The following CDH12 variants were observed in gnomAD, a reference collection of about 807,000 sequenced individuals.
The protein encoded by CDH12 is cadherin-12.
Under a neutral mutation model 74.1 loss-of-function variants are expected in CDH12, and 41 were observed. That is an observed-to-expected ratio of 0.55 (90% CI 0.43 to 0.72). CDH12 has a LOEUF of 0.72. Ranked by LOEUF, CDH12 falls within the 30% of genes least tolerant of loss-of-function variation. CDH12 has a pLI of 0.00. For missense variants in CDH12, 945 were observed against 977.2 expected (o/e 0.97, Z 0.44); for synonymous variants, 399 against 355.0 (o/e 1.12, Z -1.39).
rs555848314 is a variant in CDH12 at position 22,711,723 on chromosome 5, C to A, written c.-523+141335G>T. Among the ~76,000 whole-genome samples, 4 of 151,982 alleles carry A rather than the reference C, an allele frequency of 2.6e-5. No homozygotes were observed. In the South Asian group the frequency reaches 8.3e-4, roughly 32 times the overall value. On this transcript the variant is annotated intron_variant, in intron 1 of 14. Coordinates refer to ENST00000382254, the MANE Select transcript of CDH12 (RefSeq NM_004061.5). ...AAACAATCTATCAATTTACTTGATT[C>A]TTTAGGGAAAAATAAAACATGTTGT...
At chr5:21,958,338 C>T (rs1397693846) in intron 6 of CDH12, among the ~76,000 whole-genome samples, 3 of 152,082 alleles carry the variant, frequency 2.0e-5, no homozygotes, top group Non-Finnish European at 4.4e-5. Flanking sequence ...GTTGCAATTG[C>T]TTTTGACATC....
chr5:21,846,364 T>C (rs1174387595), intron 7 of CDH12, among the ~76,000 whole-genome samples: 5 of 152,110 alleles, frequency 3.3e-5, no homozygotes, highest in Non-Finnish European at 7.4e-5. Flanking sequence ...CCTCCGTTCT[T>C]AACCTCACTC....
chr5:22,073,483 G>A (rs960870587), intron 5 of CDH12, among the ~76,000 whole-genome samples: 6 of 152,166 alleles, frequency 3.9e-5, no homozygotes, highest in African/African-American at 1.2e-4. Context: ...ACATGTATAT[G>A]TATGTCTGTA....
intron 1 of CDH12, among the ~76,000 whole-genome samples, chr5:22,820,736 TA>T (rs1303313733): frequency 6.6e-6 from 1 of 152,116 alleles, no homozygotes; most frequent in Non-Finnish European, 1.5e-5. Context: ...ATTGTGGCAA[TA>T]ATCAATAACT....
intron 4 of CDH12, among the ~76,000 whole-genome samples, chr5:22,124,614 T>A (rs945198284): frequency 6.6e-6 from 1 of 152,242 alleles, no homozygotes; most frequent in Non-Finnish European, 1.5e-5. Flanking sequence ...AGTGCCTTTT[T>A]CCTCTTTATG....
chr5:21,992,894 A>C (rs1418127521), intron 5 of CDH12, among the ~76,000 whole-genome samples: 1 of 152,222 alleles, frequency 6.6e-6, no homozygotes, highest in African/African-American at 2.4e-5. Context: ...ATTGATTCAC[A>C]ATACTGCACG....
intron 1 of CDH12, among the ~76,000 whole-genome samples, chr5:22,531,552 G>A (rs1419202112): frequency 6.6e-6 from 1 of 152,062 alleles, no homozygotes; most frequent in Admixed American, 6.6e-5. Context: ...TTGTGGGAGG[G>A]AAGGGCTATC....
intron 2 of CDH12, among the ~76,000 whole-genome samples, chr5:22,424,002 CAAAAAA>C (rs1165781089): frequency 3.2e-5 from 1 of 31,226 alleles, no homozygotes; most frequent in African/African-American, 1.0e-4. Context: ...GACTCTGTCT[CAAAAAA>C]AAAAAAAAAA....
intron 1 of CDH12, among the ~76,000 whole-genome samples, chr5:22,747,964 A>T (rs554739510): frequency 5.3e-5 from 8 of 152,232 alleles, no homozygotes; most frequent in Admixed American, 3.3e-4. Flanking sequence ...AGTAGAGAAG[A>T]ATTGGTTCCC....
chr5:22,523,533 A>C (rs1340801431), intron 1 of CDH12, among the ~76,000 whole-genome samples: 1 of 152,192 alleles, frequency 6.6e-6, no homozygotes, highest in Non-Finnish European at 1.5e-5. Flanking sequence ...TGCAAATATC[A>C]AATATTTCAG....
intron 1 of CDH12, among the ~76,000 whole-genome samples, chr5:22,790,113 A>G (rs1186459517): frequency 6.6e-6 from 1 of 152,136 alleles, no homozygotes; most frequent in African/African-American, 2.4e-5. Flanking sequence ...CTTCCGAAAG[A>G]ACTTATATTA....
At chr5:22,749,497 A>G (rs1745454008) in intron 1 of CDH12, among the ~76,000 whole-genome samples, 1 of 152,202 alleles carries the variant, frequency 6.6e-6, no homozygotes, top group African/African-American at 2.4e-5. Context: ...CAAGAACGGG[A>G]TCATAAAACC....
chr5:22,361,031 G>A (rs1740780485), intron 3 of CDH12, among the ~76,000 whole-genome samples: 1 of 152,182 alleles, frequency 6.6e-6, no homozygotes, highest in Non-Finnish European at 1.5e-5. Flanking sequence ...AGACAGGGAT[G>A]CCCTCTCTCA....
At chr5:22,163,710 A>G (rs1202249037) in intron 4 of CDH12, among the ~76,000 whole-genome samples, 1 of 152,160 alleles carries the variant, frequency 6.6e-6, no homozygotes, top group Non-Finnish European at 1.5e-5. Context: ...CACACTGTCA[A>G]TGAGATTCCC....
At chr5:22,699,265 G>A (rs1487737908) in intron 1 of CDH12, among the ~76,000 whole-genome samples, 2 of 151,530 alleles carry the variant, frequency 1.3e-5, no homozygotes, top group Admixed American at 6.6e-5. Context: ...AATCTTTAAT[G>A]TTGTGGTTTA....
chr5:22,343,365 A>G (rs1162458317), intron 3 of CDH12, among the ~76,000 whole-genome samples: 2 of 138,698 alleles, frequency 1.4e-5, no homozygotes, highest in African/African-American at 3.0e-5. Context: ...GAGAGAGAGA[A>G]CACAGACTAA....
chr5:21,932,407 A>T (rs1754881937), intron 6 of CDH12, among the ~76,000 whole-genome samples: 1 of 152,210 alleles, frequency 6.6e-6, no homozygotes, highest in African/African-American at 2.4e-5. Flanking sequence ...AATCATTGTG[A>T]TTAAAATAAA....
chr5:21,975,445 A>G, intron 5 of CDH12, 60 bp from the exon 6 acceptor site: 2 of 1,199,804 alleles, frequency 1.7e-6, no homozygotes. Context: ...AAAGAACACC[A>G]TTAAAAGGAT....
At chr5:22,843,062 AAGAAT>A (rs1440957064) in intron 1 of CDH12, among the ~76,000 whole-genome samples, 1 of 152,110 alleles carries the variant, frequency 6.6e-6, no homozygotes, top group African/African-American at 2.4e-5. Context: ...CTTGGCATTA[AAGAAT>A]AGAAGAGTAA....
Sources: gnomAD v4.1 joint callset for allele counts (sites outside exome capture counted in the v4.1 genomes callset) on GRCh38, gnomAD v4.1.1 for gene constraint, MANE v1.5 for transcripts, NCBI Gene and HGNC (gene_info 2026-07-23, HGNC 2026-07-21) for gene names.